LCT: variants seen among roughly 807,000 people sequenced by gnomAD.
LCT encodes lactase.
Under a neutral mutation model 173.0 loss-of-function variants are expected in LCT, and 90 were observed. The ratio of observed to expected loss-of-function variants is 0.52; its 90% confidence interval spans 0.44 to 0.62. The LOEUF is 0.62. LCT is among the 20% of genes least tolerant of loss of function. The probability of loss-of-function intolerance (pLI) is 0.00; values close to 1 mark genes in which losing one functional copy is unlikely to be tolerated. For missense variants in LCT, 1,864 were observed against 2,431.4 expected, an observed-to-expected ratio of 0.77 and a Z score of 4.91; for synonymous variants, 853 against 957.6, an observed-to-expected ratio of 0.89 and a Z score of 2.02.
chr2:135,822,385 T>C (rs2077841576), intron 4 of LCT: 1 of 414,398 alleles, frequency 2.4e-6, no homozygotes, highest in South Asian at 2.3e-5. Context: ...ATGCAGTAGG[T>C]CTCAAGTAGG....
Position 135,788,185 on chromosome 2 carries a change from A to ATT in LCT, c.*138_*139insAA, listed in dbSNP as rs2077506584. 2 of 720,252 alleles carry ATT rather than the reference A, an allele frequency of 2.8e-6. No homozygotes were observed. The highest frequency in any genetic ancestry group is 5.0e-6 in the Non-Finnish European group (2 of 403,294). 44.6% of individuals were successfully genotyped at this position (720,252 alleles called of 1,614,324 possible). A position where few individuals can be genotyped will look rare whatever the true frequency, so the allele number is the denominator to read the frequency against. ...CAGCAAGTCGAAATCATTCAAGATT[A>ATT]AAGTCATCTCTAACGGTGCAGCAGG... On this transcript the variant is annotated 3_prime_UTR_variant, in exon 17 of 17. Transcript: ENST00000264162.
chr2:135,814,963 G>A (rs1032904334), intron 6 of LCT, among the ~76,000 whole-genome samples: 5 of 152,088 alleles, frequency 3.3e-5, no homozygotes, highest in African/African-American at 9.7e-5. Flanking sequence ...TTTAGAGGAG[G>A]TCGTGAGGGT....
chr2:135,809,020 A>G lies in LCT; in HGVS notation c.3327T>C (p.Asp1109=), dbSNP rs1266592122. The G allele has an allele frequency of 2.5e-6, 4 of 1,611,288 alleles. No individual in the cohort carries two copies. The highest frequency in any genetic ancestry group is 1.3e-5 in the African/African-American group (1 of 74,892). ...KAHARVYHTY[D]EKYRQEQKGV... is the part of the protein sequence containing the mutation. ...CCTTCTGCTCCTGCCTGTATTTCTC[A>G]TCGTACGTGTGATAGACTCTGGCAT... is the stretch of plus-strand genomic sequence containing the variant. The change falls in exon 8 of 17, where the codon GAT becomes GAC. Residue 1109 remains aspartate, a synonymous_variant. Transcript: ENST00000264162. This position sits in a 1 kb window ranked among gnomAD's most constrained non-coding sequence, Gnocchi z 5.5.
chr2:135,836,207 C>T (rs1348650450), intron 1 of LCT, among the ~76,000 whole-genome samples: 1 of 148,394 alleles, frequency 6.7e-6, no homozygotes, highest in African/African-American at 2.4e-5. Context: ...TTAGTAGAGA[C>T]GGGGTTTTGC....
At chr2:135,793,261 T>C (rs182545020) in intron 14 of LCT, among the ~76,000 whole-genome samples, 5 of 152,330 alleles carry the variant, frequency 3.3e-5, no homozygotes, top group African/African-American at 9.6e-5. Flanking sequence ...CTGGTATCCA[T>C]GGCTGGGAGA....
rs746550675 is a variant in LCT at position 135,804,932 on chromosome 2, A to G, written c.4299T>C (p.Ala1433=). The stretch of plus-strand genomic sequence containing the variant: ...GGTTCTGCAGGGTGACCAGATCCTC[A>G]GCAATCTTGTGATAACTGTCACAGG... ...DVACDSYHKI[A]EDLVTLQNLG... is the part of the protein sequence containing the mutation. Residue 1433 remains alanine, a synonymous_variant, in exon 10 of 17, where the codon GCT becomes GCC. Coordinates refer to ENST00000264162, the MANE Select transcript of LCT (RefSeq NM_002299.4). 1.3e-5 allele frequency: 21 copies of G among 1,614,114 alleles called. No homozygotes were observed. The highest frequency in any genetic ancestry group is 5.0e-5 in the Admixed American group (3 of 60,002).
At chr2:135,835,219 C>T (rs985807140) in intron 1 of LCT, among the ~76,000 whole-genome samples, 1 of 151,892 alleles carries the variant, frequency 6.6e-6, no homozygotes, top group Non-Finnish European at 1.5e-5. Flanking sequence ...CCTAAAAGAC[C>T]ATTGAAAGTT....
At position 135,789,788 on chromosome 2, in the gene LCT, G is replaced by A. The variant is rs373488627; in HGVS notation, c.5346C>T (p.Asp1782=). ...CTGTGTATCCTCGAAGGTCCACCTT[G>A]TCCTGCACAGCTGCTCAAACACAGA... ...YINEALKAVQ[D]KVDLRGYTVW... is the part of the protein sequence containing the mutation. Residue 1782 remains aspartate, a synonymous_variant, in exon 16 of 17, where the codon GAC becomes GAT. Transcript: ENST00000264162. 3.0e-5 allele frequency: 48 copies of A among 1,613,534 alleles called. No individual in the cohort carries two copies. The highest frequency in any genetic ancestry group is 4.1e-5 in the Non-Finnish European group (48 of 1,179,534).
intron 3 of LCT, among the ~76,000 whole-genome samples, chr2:135,828,833 T>C (rs746142815): frequency 6.6e-6 from 1 of 152,178 alleles, no homozygotes; most frequent in African/African-American, 2.4e-5. Flanking sequence ...AGCTGGGATC[T>C]GATTTAGTAG....
chr2:135,806,533 G>A lies in LCT; in HGVS notation c.4173+595C>T, dbSNP rs535687316. Among the ~76,000 whole-genome samples, 5 of 152,246 alleles carry A rather than the reference G, an allele frequency of 3.3e-5. 1 individual carries two copies. Among genetic ancestry groups the A allele is most frequent in the African/African-American group, 1.2e-4 (5 of 41,514 alleles). ...CTCACCCAAAGCAACTCCCAGTCCA[G>A]CAGGCTCCATTCATGGTGAGTACCC... On this transcript the variant is annotated intron_variant, in intron 9 of 16. Transcript: ENST00000264162.
In LCT at chr2:135,797,952, T is replaced by C. The variant is rs1170658321; in HGVS notation, c.4976+77A>G. 21 of 829,744 alleles carry C rather than the reference T, an allele frequency of 2.5e-5. No homozygotes were observed. The East Asian group carries it at 4.8e-4, about 19-fold the overall frequency. The allele number at this position is 829,744 out of a possible 1,614,324, so 51.4% of individuals were successfully genotyped here. A position where few individuals can be genotyped will look rare whatever the true frequency, so the allele number is the denominator to read the frequency against. The stretch of plus-strand genomic sequence containing the variant: ...CTTCCCAGCAAGCAAAGAAGCTCAG[T>C]CATGGTAACTTGCCCGAGACATGCC... On this transcript the variant is annotated intron_variant, in intron 13 of 16. Transcript: ENST00000264162.
In LCT at chr2:135,822,096, T is replaced by C. The variant is rs772749534; in HGVS notation, c.910A>G (p.Ile304Val). The change falls in exon 5 of 17, where the codon ATA (isoleucine) becomes GTA (valine). Residue 304 changes from isoleucine to valine, a missense_variant and splice_region_variant. Ile to Val is a conservative substitution (Grantham distance 29). Around this residue, in one of 4 missense-constraint regions of LCT, gnomAD observed 412 missense variants for 462.0 expected, o/e 0.89. Transcript: ENST00000264162. ...ASLLFSLFEA[I>V]NKDQVLTIGF... Reference sequence around the variant, plus strand: ...ATGGTGAGCACTTGGTCTTTATTTATGGCTGTAAGAGAAGAAATTGAATTA... The same window carrying C: ...ATGGTGAGCACTTGGTCTTTATTTACGGCTGTAAGAGAAGAAATTGAATTA... 6 of 1,574,316 alleles carry C rather than the reference T, an allele frequency of 3.8e-6. No individual in the cohort carries two copies. Among genetic ancestry groups the C allele is most frequent in the African/African-American group, 1.3e-5 (1 of 74,162 alleles).
intron 12 of LCT, among the ~76,000 whole-genome samples, chr2:135,798,598 C>G (rs937031676): frequency 6.6e-6 from 1 of 152,262 alleles, no homozygotes; most frequent in Middle Eastern, 3.2e-3. Context: ...GCTTTCCTGA[C>G]TTTCCGGGCA....
intron 5 of LCT, 90 bp downstream of exon 5, chr2:135,821,930 A>G: frequency 3.6e-6 from 3 of 836,238 alleles, no homozygotes. Context: ...AGAGTTGATG[A>G]CAACAGTCCT....
chr2:135,811,145 G>C (rs1343584811), intron 7 of LCT, among the ~76,000 whole-genome samples: 1 of 152,098 alleles, frequency 6.6e-6, no homozygotes, highest in Non-Finnish European at 1.5e-5. Context: ...GGTCAAGGCT[G>C]CAGTGAGCTC....
At chr2:135,795,604 C>CTAATAATTATAATAATAA (rs57023267) in intron 13 of LCT, among the ~76,000 whole-genome samples, 1,768 of 146,056 alleles carry the variant, frequency 0.012, 25 homozygotes, top group Admixed American at 0.029. Flanking sequence ...TTCTCCAACT[C>CTAATAATTATAATAATAA]TAATAATAAT....
In LCT at chr2:135,808,663, G is replaced by T. The variant is rs763335456; in HGVS notation, c.3684C>A (p.Asp1228Glu). 6.2e-7 allele frequency: 1 copy of T among 1,614,202 alleles called. No homozygotes were observed. The highest frequency in any genetic ancestry group is 2.2e-5 in the East Asian group (1 of 44,884). ...TPRLNPPSYE[D>E]DQEMAEEEDP... Reference sequence around the variant, plus strand: ...CCTCCTCCTCAGCCATCTCCTGGTCGTCTTCGTAGGAGGGTGGGTTTAGCC... The same window carrying T: ...CCTCCTCCTCAGCCATCTCCTGGTCTTCTTCGTAGGAGGGTGGGTTTAGCC... The change falls in exon 8 of 17, where the codon GAC becomes GAA. Residue 1228 changes from aspartate (D) to glutamate (E), a missense_variant. Transcript: ENST00000264162.
chr2:135,835,033 T>C (rs1168820429), intron 1 of LCT, among the ~76,000 whole-genome samples: 1 of 152,074 alleles, frequency 6.6e-6, no homozygotes, highest in Non-Finnish European at 1.5e-5. Context: ...ATGCAGATCT[T>C]TTCACCTAGT....
chr2:135,817,868 C>T lies in LCT; in HGVS notation c.1180G>A (p.Ala394Thr). The change falls in exon 6 of 17, where the codon GCC becomes ACC. Residue 394 changes from alanine (A) to threonine (T), a missense_variant. By Grantham distance (58) the Ala-to-Thr change is moderately conservative (BLOSUM62 0). Coordinates refer to ENST00000264162, the MANE Select transcript of LCT (RefSeq NM_002299.4). ...GCCCAGCCTCCTTCCACGTTAAAGG[C>T]TCCTGTGGAGGCACCCCAGAGGAAG... ...EGFLWGASTG[A>T]FNVEGGWAEG... The T allele has an allele frequency of 6.2e-7, 1 of 1,614,062 alleles. No homozygotes were observed. The highest frequency in any genetic ancestry group is 2.2e-5 in the East Asian group (1 of 44,852).
Sources: allele counts gnomAD v4.1 joint callset (sites outside exome capture counted in the v4.1 genomes callset), GRCh38; gene constraint gnomAD v4.1.1; regional missense constraint gnomAD v4.1.1; non-coding constraint Gnocchi (gnomAD v3.1); transcripts MANE v1.5; gene names NCBI Gene and HGNC (gene_info 2026-07-23, HGNC 2026-07-21).